The following DPYD variants were observed in gnomAD, a reference collection of about 807,000 sequenced individuals.
DPYD encodes dihydropyrimidine dehydrogenase, also known as dihydropyrimidine dehydrogenase [NADP(+)].
DPYD carries 109 observed loss-of-function variants against 116.2 expected under a neutral mutation model. That is an observed-to-expected ratio of 0.94 (90% confidence interval 0.80 to 1.10). DPYD has a LOEUF of 1.10. Ranked by LOEUF, DPYD falls within the 50% of genes least tolerant of loss-of-function variation. The pLI is 0.00. For missense variants in DPYD, 1,302 were observed against 1,254.5 expected (o/e 1.04, Z -0.57); for synonymous variants, 440 against 432.0 (o/e 1.02, Z -0.23).
In DPYD at chr1:97,892,949, T is replaced by C. The variant is rs1412965096; in HGVS notation, c.40-9575A>G. Among the ~76,000 whole-genome samples, 6 of 151,836 alleles carry C rather than the reference T, an allele frequency of 4.0e-5. No homozygotes were observed. The Admixed American group carries it at 4.0e-4, about 10-fold the overall frequency. ...TGGTTATTTAAACTCTCAAGCTCTC[T>C]ACTCCTTCAACTGTAAAATGGTGAT... On this transcript the variant is annotated intron_variant, in intron 1 of 22. Transcript: ENST00000370192.
intron 2 of DPYD, among the ~76,000 whole-genome samples, chr1:97,868,300 T>G (rs1671492550): frequency 6.6e-6 from 1 of 151,770 alleles, no homozygotes; most frequent in South Asian, 2.1e-4. Flanking sequence ...GGGGCCACAG[T>G]AGGCCATAAA....
Position 97,822,560 on chromosome 1 carries a change from C to T in DPYD, c.233+5554G>A, listed in dbSNP as rs541129285. On this transcript the variant is annotated intron_variant, in intron 3 of 22. Coordinates refer to ENST00000370192, the MANE Select transcript of DPYD (RefSeq NM_000110.4). ...TTCATATTATGCATAATTTCTATGG[C>T]TTCTGCATAATATATTCCTAGAAGG... 2.0e-5 allele frequency among the ~76,000 whole-genome samples: 3 copies of T among 151,814 alleles called. No individual in the cohort carries two copies. The East Asian group carries it at 5.8e-4, about 29-fold the overall frequency.
At chr1:97,680,551 A>T (rs1184996392) in intron 7 of DPYD, among the ~76,000 whole-genome samples, 1 of 152,200 alleles carries the variant, frequency 6.6e-6, no homozygotes, top group Non-Finnish European at 1.5e-5. Flanking sequence ...TTACAGAAGG[A>T]GATCAGAAAT....
intron 22 of DPYD, among the ~76,000 whole-genome samples, chr1:97,080,710 C>G (rs1649093301): frequency 6.6e-6 from 1 of 152,072 alleles, no homozygotes; most frequent in Non-Finnish European, 1.5e-5. Flanking sequence ...AAAATTAAGA[C>G]TAATGCTTAG....
chr1:97,304,131 T>C (rs1164142754), intron 18 of DPYD, among the ~76,000 whole-genome samples: 1 of 151,994 alleles, frequency 6.6e-6, no homozygotes, highest in Non-Finnish European at 1.5e-5. Flanking sequence ...GTGACCTCCT[T>C]TATTCTCTTG....
At chr1:97,863,969 A>G (rs963471884) in intron 2 of DPYD, among the ~76,000 whole-genome samples, 1 of 151,972 alleles carries the variant, frequency 6.6e-6, no homozygotes. Flanking sequence ...TCTAGAGTCA[A>G]TAAATATTTT....
At chr1:97,130,161 T>C (rs1471786196) in intron 20 of DPYD, among the ~76,000 whole-genome samples, 2 of 152,228 alleles carry the variant, frequency 1.3e-5, no homozygotes, top group African/African-American at 4.8e-5. Flanking sequence ...CTGAATTCTC[T>C]AAATTTTATT....
At chr1:97,242,791 G>A (rs1662463685) in intron 18 of DPYD, among the ~76,000 whole-genome samples, 1 of 151,584 alleles carries the variant, frequency 6.6e-6, no homozygotes, top group African/African-American at 2.4e-5. Flanking sequence ...TTGGTTCTGT[G>A]TCCAATATTT....
chr1:97,634,730 T>C (rs1657467892), intron 8 of DPYD, among the ~76,000 whole-genome samples: 2 of 151,958 alleles, frequency 1.3e-5, no homozygotes, highest in African/African-American at 2.4e-5. Flanking sequence ...TAGGTGAGCA[T>C]TGTGCAGTAT....
chr1:97,443,836 G>A (rs539971206), intron 14 of DPYD, among the ~76,000 whole-genome samples: 2 of 152,196 alleles, frequency 1.3e-5, no homozygotes, highest in African/African-American at 2.4e-5. Flanking sequence ...AGAAATAGAA[G>A]CCTACTTTTG....
chr1:97,615,378 G>C (rs1283756282), intron 8 of DPYD, among the ~76,000 whole-genome samples: 1 of 152,050 alleles, frequency 6.6e-6, no homozygotes, highest in Non-Finnish European at 1.5e-5. Flanking sequence ...TGGGTGTCGG[G>C]AATCTATGCT....
At chr1:97,634,848 G>C (rs1328839980) in intron 8 of DPYD, among the ~76,000 whole-genome samples, 7 of 151,394 alleles carry the variant, frequency 4.6e-5, no homozygotes, top group African/African-American at 1.7e-4. Flanking sequence ...ACAATATCAG[G>C]AGTTTTAGGG....
intron 19 of DPYD, among the ~76,000 whole-genome samples, chr1:97,213,944 A>G (rs1446528846): frequency 6.6e-6 from 1 of 152,150 alleles, no homozygotes; most frequent in East Asian, 1.9e-4. Flanking sequence ...AGAAAGGCAC[A>G]TGTGCCGTCT....
intron 3 of DPYD, among the ~76,000 whole-genome samples, chr1:97,825,399 AG>A (rs1374118715): frequency 2.0e-5 from 3 of 152,084 alleles, no homozygotes; most frequent in Non-Finnish European, 2.9e-5. Flanking sequence ...CAGCCACAAT[AG>A]GACAATCTTC....
intron 7 of DPYD, among the ~76,000 whole-genome samples, chr1:97,681,757 A>G (rs1299830097): frequency 1.3e-5 from 2 of 152,142 alleles, no homozygotes; most frequent in Admixed American, 6.5e-5. Flanking sequence ...TTATGAATCA[A>G]ATACCCTTCA....
At chr1:97,102,459 T>TAATCTATCTATC (rs71071629) in intron 20 of DPYD, among the ~76,000 whole-genome samples, 3 of 125,094 alleles carry the variant, frequency 2.4e-5, no homozygotes, top group Non-Finnish European at 3.3e-5. Flanking sequence ...CTGAAATCTA[T>TAATCTATCTATC]TATCTATCTA....
intron 13 of DPYD, among the ~76,000 whole-genome samples, chr1:97,483,623 C>T (rs1466304644): frequency 6.6e-6 from 1 of 152,018 alleles, no homozygotes; most frequent in Non-Finnish European, 1.5e-5. Context: ...CAAACCTGGA[C>T]ATCCTGCACA....
chr1:97,903,180 C>T (rs1158042536), intron 1 of DPYD, among the ~76,000 whole-genome samples: 1 of 151,864 alleles, frequency 6.6e-6, no homozygotes, highest in African/African-American at 2.4e-5. Flanking sequence ...CTTGATAATA[C>T]ATCTCTTATT....
intron 19 of DPYD, among the ~76,000 whole-genome samples, chr1:97,215,311 G>A (rs941982137): frequency 2.0e-5 from 3 of 152,190 alleles, no homozygotes; most frequent in Admixed American, 1.3e-4. Flanking sequence ...TTTCATTTGG[G>A]TTGAAGCATT....
Sources: allele counts gnomAD v4.1 joint callset (sites outside exome capture counted in the v4.1 genomes callset), GRCh38; gene constraint gnomAD v4.1.1; transcripts MANE v1.5; gene names NCBI Gene and HGNC (gene_info 2026-07-23, HGNC 2026-07-21).